NHSL1: variants seen among roughly 807,000 people sequenced by gnomAD.
The protein encoded by NHSL1 is NHS like 1, also known as NHS-like protein 1.
NHSL1 carries 48 observed loss-of-function variants against 95.0 expected under a neutral mutation model. That is an observed-to-expected ratio of 0.51 (90% CI 0.40 to 0.64). NHSL1 has a LOEUF of 0.64. Ranked by LOEUF, NHSL1 falls within the 30% of genes least tolerant of loss-of-function variation. The probability of loss-of-function intolerance (pLI) is 0.00; values close to 1 mark genes in which losing one functional copy is unlikely to be tolerated. For synonymous variants in NHSL1, 783 were observed against 833.9 expected (o/e 0.94, Z 1.05); for missense variants, 1,971 against 2,077.7 (o/e 0.95, Z 1.00).
At chr6:138,571,703 G>A in intron 1 of NHSL1, 1 of 1,548,112 alleles carries the variant, frequency 6.5e-7, no homozygotes, top group Non-Finnish European at 8.7e-7. Context: ...TTTAAAAATC[G>A]AGTCACCTTT....
intron 1 of NHSL1, among the ~76,000 whole-genome samples, chr6:138,520,280 C>CT (rs397888767): frequency 0.07 from 5,672 of 81,016 alleles, 843 homozygotes; most frequent in African/African-American, 0.087. Flanking sequence ...TAGTTTAATT[C>CT]TTTTTTTTTT....
At chr6:138,486,347 T>G (rs1779727865) in intron 2 of NHSL1, among the ~76,000 whole-genome samples, 3 of 152,318 alleles carry the variant, frequency 2.0e-5, no homozygotes, top group Middle Eastern at 6.8e-3. Flanking sequence ...ATAAAAATCC[T>G]TCTTATCTCA....
intron 2 of NHSL1, among the ~76,000 whole-genome samples, chr6:138,493,356 T>C (rs898205500): frequency 1.3e-5 from 2 of 152,238 alleles, no homozygotes; most frequent in East Asian, 3.8e-4. Context: ...AAAATTCAAG[T>C]TTAGGCAAAA....
At chr6:138,633,967 AT>A (rs1784855869) in intron 1 of NHSL1, among the ~76,000 whole-genome samples, 1 of 152,184 alleles carries the variant, frequency 6.6e-6, no homozygotes, top group Non-Finnish European at 1.5e-5. Context: ...TATTAGTTTC[AT>A]TTTTGCTTGT....
At position 138,677,558 on chromosome 6, in the gene NHSL1, G is replaced by A. The variant is rs117258487; in HGVS notation, c.96+14918C>T. On this transcript the variant is annotated intron_variant, in intron 1 of 3. Transcript: ENST00000491526. ...ACTCACTGTTGCACGATAATGAAGC[G>A]TTAGTTCTTAAGCCTTTAAAGTACT... 7.5e-3 allele frequency among the ~76,000 whole-genome samples: 1,142 copies of A among 152,244 alleles called. 11 individuals carry two copies. The highest frequency in any genetic ancestry group is 0.012 in the South Asian group (58 of 4,824).
At chr6:138,464,236 C>A in intron 3 of NHSL1, 1 of 814,630 alleles carries the variant, frequency 1.2e-6, no homozygotes, top group Non-Finnish European at 2.0e-6. Context: ...GCTTGGCCAT[C>A]ACGGCCGGCA....
At chr6:138,591,573 T>C (rs1015804695) in intron 1 of NHSL1, among the ~76,000 whole-genome samples, 5 of 152,090 alleles carry the variant, frequency 3.3e-5, no homozygotes, top group Admixed American at 2.0e-4. Context: ...CACGCCCCCA[T>C]GCCTGGCTGA....
chr6:138,575,772 C>T (rs1261701250), upstream of NHSL1, among the ~76,000 whole-genome samples: 7 of 152,054 alleles, frequency 4.6e-5, no homozygotes, highest in African/African-American at 1.7e-4. Flanking sequence ...TAAGAAGCTA[C>T]TATATTCACT....
rs563286049 is a variant in NHSL1, at chr6:138,431,463, T to C, written c.2882A>G (p.Gln961Arg). The change falls in exon 6 of 8, where the codon CAG becomes CGG. Residue 961 changes from glutamine to arginine, a missense_variant. Gln to Arg is a conservative substitution (Grantham distance 43). This residue lies in a region of NHSL1 where 1,602 missense variants were observed against 1,654.5 expected (regional missense o/e 0.97). Transcript: ENST00000343505. The surrounding 1 kb of genome is among the most constrained non-coding windows in gnomAD (Gnocchi z 4.0). ...AGGAGAGTGAGGCAGAGGAGAGCCC[T>C]GGGAGCAATCTGTGACAGGAGGTGG... ...PPPPPVTDCS[Q>R]GSPLPHSPVF... The C allele has an allele frequency of 1.6e-5, 24 of 1,547,318 alleles. No individual in the cohort carries two copies. Among genetic ancestry groups the C allele is most frequent in the Middle Eastern group, 1.7e-4 (1 of 5,964 alleles).
chr6:138,433,568 G>A lies in NHSL1; in HGVS notation c.777C>T (p.Thr259=). Residue 259 remains threonine (T), a synonymous_variant, in exon 6 of 8, where the codon ACC becomes ACT. Transcript: ENST00000343505. Reference sequence around the variant, plus strand: ...CCTCCGTCTGACAGCTGGAGTCCCTGGTTTCTGAGCGCTGCCCAGCAGACC... The same window carrying A: ...CCTCCGTCTGACAGCTGGAGTCCCTAGTTTCTGAGCGCTGCCCAGCAGACC... ...SCRSAGQRSE[T]RDSSCQTEDV... 1 of 1,551,960 alleles carries A rather than the reference G, an allele frequency of 6.4e-7. No individual in the cohort carries two copies. The highest frequency in any genetic ancestry group is 8.7e-7 in the Non-Finnish European group (1 of 1,147,044).
At chr6:138,481,225 T>C (rs1779398875) in intron 2 of NHSL1, among the ~76,000 whole-genome samples, 1 of 152,202 alleles carries the variant, frequency 6.6e-6, no homozygotes, top group Non-Finnish European at 1.5e-5. Context: ...AAATATCATG[T>C]ATTGTGAATA....
intron 3 of NHSL1, among the ~76,000 whole-genome samples, chr6:138,472,380 G>C (rs1194089451): frequency 3.3e-5 from 5 of 152,022 alleles, no homozygotes; most frequent in Admixed American, 2.6e-4. Flanking sequence ...CCAAGTAGTT[G>C]ATACAACAGA....
chr6:138,667,206 A>G (rs1785306508), intron 1 of NHSL1, among the ~76,000 whole-genome samples: 1 of 152,226 alleles, frequency 6.6e-6, no homozygotes. Flanking sequence ...GCAAAGAACT[A>G]GAATTGCAAC....
At chr6:138,524,555 G>A (rs1781821490) in intron 1 of NHSL1, among the ~76,000 whole-genome samples, 1 of 152,152 alleles carries the variant, frequency 6.6e-6, no homozygotes, top group Non-Finnish European at 1.5e-5. Context: ...TATTGGTATG[G>A]TAAAAGATTA....
intron 1 of NHSL1, among the ~76,000 whole-genome samples, chr6:138,685,541 TA>T (rs1370906847): frequency 3.8e-4 from 58 of 152,040 alleles, no homozygotes; most frequent in African/African-American, 1.3e-3. Context: ...TCTATGTGAA[TA>T]AAATATTAGC....
chr6:138,576,487 TCTCA>T (rs1783974760), upstream of NHSL1, among the ~76,000 whole-genome samples: 1 of 152,162 alleles, frequency 6.6e-6, no homozygotes, highest in East Asian at 1.9e-4. Context: ...CCCCCTCCCC[TCTCA>T]CTGTCAGGCT....
chr6:138,526,093 C>CAA (rs10681744), intron 1 of NHSL1, among the ~76,000 whole-genome samples: 17,367 of 109,540 alleles, frequency 0.16, 2,278 homozygotes, highest in African/African-American at 0.41. Flanking sequence ...ACTCTGTCTC[C>CAA]AAAAAAAAAA....
intron 1 of NHSL1, among the ~76,000 whole-genome samples, chr6:138,568,262 C>T (rs916573922): frequency 2.6e-5 from 4 of 152,126 alleles, no homozygotes; most frequent in Non-Finnish European, 4.4e-5. Context: ...TCTCTTTAAC[C>T]CCCCTGCTTT....
chr6:138,437,307 T>TATATATACACACACACACAC lies in NHSL1; in HGVS notation c.665-3628_665-3627insGTGTGTGTGTGTGTATATAT, dbSNP rs1776179458. Among the ~76,000 whole-genome samples, 23 of 120,948 alleles carry TATATATACACACACACACAC rather than the reference T, an allele frequency of 1.9e-4. 1 individual carries two copies. The highest frequency in any genetic ancestry group is 4.0e-3 in the Middle Eastern group (1 of 252). The allele number at this position is 120,948 out of a possible 152,430, so 79.3% of individuals were successfully genotyped here. ...AAAAATACACAAATGTATATATATATATATATATATATACACACACACATA... is the reference window on the plus strand; with the variant it reads ...AAAAATACACAAATGTATATATATATATATATACACACACACACACATATATATATATACACACACACATA... On this transcript the variant is annotated intron_variant, in intron 5 of 7. Coordinates refer to ENST00000343505, the MANE Select transcript of NHSL1 (RefSeq NM_001144060.2).
Sources: gnomAD v4.1 joint callset for allele counts (sites outside exome capture counted in the v4.1 genomes callset) on GRCh38, gnomAD v4.1.1 for gene constraint, gnomAD v4.1.1 regional missense constraint, Gnocchi (gnomAD v3.1) non-coding constraint, MANE v1.5 for transcripts, NCBI Gene and HGNC (gene_info 2026-07-23, HGNC 2026-07-21) for gene names.